The following CBLN2 variants were observed in gnomAD, a reference collection of about 807,000 sequenced individuals.
CBLN2 encodes cerebellin 2 precursor, also known as cerebellin-2.
A neutral mutation model predicts 15.0 loss-of-function variants in CBLN2; 7 were observed. The ratio of observed to expected loss-of-function variants is 0.47; its 90% CI spans 0.27 to 0.88. The LOEUF is 0.88. Among genes scored for constraint, CBLN2 ranks in the 40% least tolerant of loss-of-function variants. CBLN2 has a pLI of 0.14. For synonymous variants in CBLN2, 149 were observed against 135.2 expected (o/e 1.10, Z -0.71); for missense variants, 242 against 304.5 (o/e 0.79, Z 1.53).
chr18:72,579,154 A>G (rs1011364464), intron 1 of CBLN2, among the ~76,000 whole-genome samples: 3 of 152,332 alleles, frequency 2.0e-5, no homozygotes, highest in Admixed American at 2.0e-4. Flanking sequence ...GAGTAACACA[A>G]TACTATTACT....
intron 1 of CBLN2, among the ~76,000 whole-genome samples, chr18:72,612,322 A>G (rs1457052424): frequency 6.6e-6 from 1 of 152,170 alleles, no homozygotes; most frequent in East Asian, 1.9e-4. Flanking sequence ...TGTAGATTCA[A>G]GTTGTTTGTT....
intron 1 of CBLN2, among the ~76,000 whole-genome samples, chr18:72,603,241 T>A (rs1036252699): frequency 6.6e-6 from 1 of 152,238 alleles, no homozygotes; most frequent in African/African-American, 2.4e-5. Flanking sequence ...CTCATTTAAA[T>A]CTCCAATATC....
At chr18:72,625,081 A>T (rs2069726408) in intron 1 of CBLN2, 1 of 152,144 alleles carries the variant, frequency 6.6e-6, no homozygotes, top group Admixed American at 6.6e-5. Context: ...TTATCATCAG[A>T]TAGGTTTTTA....
At chr18:72,633,495 C>T (rs140154906) in intron 1 of CBLN2, among the ~76,000 whole-genome samples, 5 of 152,156 alleles carry the variant, frequency 3.3e-5, no homozygotes, top group Non-Finnish European at 5.9e-5. Context: ...CAGCTTATTA[C>T]TGTATCTATA....
chr18:72,589,611 T>C (rs1165208024), intron 1 of CBLN2, among the ~76,000 whole-genome samples: 1 of 152,208 alleles, frequency 6.6e-6, no homozygotes, highest in African/African-American at 2.4e-5. Flanking sequence ...AATGAACATT[T>C]AGCAACTAGC....
In CBLN2 at chr18:72,541,996, C is replaced by G. The variant is rs533089449; in HGVS notation, c.165G>C (p.Thr55=). ...ACTTGCCCTCCAGCACGATGGGCTC[C>G]GTGTCGTTCTGCGCCCGCACGGGGC... ...ACCPVRAQND[T]EPIVLEGKCL... Residue 55 remains threonine, a synonymous_variant, in exon 3 of 5, where the codon ACG becomes ACC. Coordinates refer to ENST00000269503, the MANE Select transcript of CBLN2 (RefSeq NM_182511.4). 2 of 1,603,378 alleles carry G rather than the reference C, an allele frequency of 1.2e-6. No individual in the cohort carries two copies. The highest frequency in any genetic ancestry group is 1.1e-5 in the South Asian group (1 of 90,364).
chr18:72,542,151 G>C lies in CBLN2; in HGVS notation c.10C>G (p.Pro4Ala). MQA[P>A]GRGPLGLRLM... ...CGCAGCCCGAGTGGCCCCCGGCCGGGCGCCTGCATCGGGACTGGTGGGAGG... is the reference window on the plus strand; with the variant it reads ...CGCAGCCCGAGTGGCCCCCGGCCGGCCGCCTGCATCGGGACTGGTGGGAGG... Residue 4 changes from proline (P) to alanine (A), a missense_variant, in exon 3 of 5, where the codon CCC becomes GCC. Transcript: ENST00000269503. The C allele has an allele frequency of 7.6e-7, 1 of 1,311,490 alleles. No homozygotes were observed. Among genetic ancestry groups the C allele is most frequent in the Non-Finnish European group, 9.6e-7 (1 of 1,037,622 alleles). The allele number at this position is 1,311,490 out of a possible 1,614,324, so 81.2% of individuals were successfully genotyped here.
chr18:72,638,016 A>G (rs1713611580), intron 1 of CBLN2, among the ~76,000 whole-genome samples: 1 of 152,142 alleles, frequency 6.6e-6, no homozygotes, highest in Admixed American at 6.5e-5. Flanking sequence ...TGTGGTAGGA[A>G]AGCTTGGAGG....
intron 1 of CBLN2, among the ~76,000 whole-genome samples, chr18:72,621,734 T>C (rs577421612): frequency 2.4e-4 from 37 of 152,174 alleles, no homozygotes; most frequent in Non-Finnish European, 4.4e-4. Context: ...GAATTTTCCA[T>C]CCTCAACAAA....
At chr18:72,596,753 C>T (rs2069516457) in intron 1 of CBLN2, among the ~76,000 whole-genome samples, 1 of 152,154 alleles carries the variant, frequency 6.6e-6, no homozygotes, top group Admixed American at 6.5e-5. Context: ...TCTCTCCTGG[C>T]CTGTATGGTT....
chr18:72,581,598 C>G (rs1450003342), intron 1 of CBLN2, among the ~76,000 whole-genome samples: 1 of 152,164 alleles, frequency 6.6e-6, no homozygotes, highest in African/African-American at 2.4e-5. Context: ...TGAGTTTTCT[C>G]TCTTTCTTGT....
chr18:72,608,117 G>C (rs2069596169), intron 1 of CBLN2, among the ~76,000 whole-genome samples: 1 of 152,124 alleles, frequency 6.6e-6, no homozygotes, highest in Non-Finnish European at 1.5e-5. Flanking sequence ...TATATGTGGT[G>C]AATTTATAAT....
Position 72,538,141 on chromosome 18 carries a change from T to G in CBLN2, c.*35A>C, listed in dbSNP as rs1361411465. 1 of 1,610,104 alleles carries G rather than the reference T, an allele frequency of 6.2e-7. No homozygotes were observed. Among genetic ancestry groups the G allele is most frequent in the Admixed American group, 1.7e-5 (1 of 59,992 alleles). On this transcript the variant is annotated 3_prime_UTR_variant, in exon 5 of 5. Coordinates refer to ENST00000269503, the MANE Select transcript of CBLN2 (RefSeq NM_182511.4). Reference sequence around the variant, plus strand: ...TTAAAGGGCGGAGTCCTGGGTCCAGTTTGCCATTCCCCCACCATCTAGGGG... The same window carrying G: ...TTAAAGGGCGGAGTCCTGGGTCCAGGTTGCCATTCCCCCACCATCTAGGGG...
At chr18:72,623,312 C>A (rs986303108) in intron 1 of CBLN2, among the ~76,000 whole-genome samples, 18 of 152,096 alleles carry the variant, frequency 1.2e-4, no homozygotes, top group African/African-American at 4.1e-4. Context: ...TTCTACCCTC[C>A]CTGTGGAAAA....
chr18:72,570,415 T>TA (rs2069324326), intron 1 of CBLN2, among the ~76,000 whole-genome samples: 1 of 150,708 alleles, frequency 6.6e-6, no homozygotes, highest in African/African-American at 2.5e-5. Context: ...TTTTTGTATT[T>TA]TTTTTTTTTT....
intron 1 of CBLN2, among the ~76,000 whole-genome samples, chr18:72,560,436 C>G (rs891723228): frequency 6.6e-6 from 1 of 151,362 alleles, no homozygotes; most frequent in African/African-American, 2.4e-5. Context: ...TTAAGACAAC[C>G]TAGAGAATTA....
At chr18:72,553,929 T>A (rs1043342901) in intron 1 of CBLN2, among the ~76,000 whole-genome samples, 1 of 152,156 alleles carries the variant, frequency 6.6e-6, no homozygotes, top group Non-Finnish European at 1.5e-5. Context: ...GTCAGATTCG[T>A]TTTTCAGCTT....
upstream of CBLN2, chr18:72,544,702 C>A (rs1352953179): frequency 6.6e-6 from 1 of 152,120 alleles, no homozygotes; most frequent in East Asian, 1.9e-4. Context: ...AGTACTTTTA[C>A]TCCTGGCAAA....
At chr18:72,635,537 G>T (rs2069806837) in intron 1 of CBLN2, among the ~76,000 whole-genome samples, 1 of 151,972 alleles carries the variant, frequency 6.6e-6, no homozygotes, top group South Asian at 2.1e-4. Flanking sequence ...TAGGTCAACT[G>T]ACTTATAACA....
Sources: gnomAD v4.1 joint callset for allele counts (sites outside exome capture counted in the v4.1 genomes callset) on GRCh38, gnomAD v4.1.1 for gene constraint, MANE v1.5 for transcripts, NCBI Gene and HGNC (gene_info 2026-07-23, HGNC 2026-07-21) for gene names.